TP63: variants seen among roughly 807,000 people sequenced by gnomAD.
TP63 encodes the protein tumor protein p63, also known as tumor protein 63.
Under a neutral mutation model 82.8 loss-of-function variants are expected in TP63, and 17 were observed. The observed-to-expected ratio is 0.21, with a 90% CI of 0.14 to 0.31. The LOEUF is 0.31. TP63 is among the 10% of genes least tolerant of loss of function. TP63 has a pLI of 1.00. For synonymous variants in TP63, 330 were observed against 321.7 expected (o/e 1.03, Z -0.28); for missense variants, 648 against 895.3 (o/e 0.72, Z 3.52).
At chr3:189,684,632 C>CTTTTTT (rs11379017) in intron 1 of TP63, among the ~76,000 whole-genome samples, 1 of 134,700 alleles carries the variant, frequency 7.4e-6, no homozygotes, top group African/African-American at 2.7e-5. Flanking sequence ...TTCTTTCTTT[C>CTTTTTT]TTTTTTTTTT....
chr3:189,882,806 A>G (rs1330713657), intron 10 of TP63, among the ~76,000 whole-genome samples: 2 of 152,170 alleles, frequency 1.3e-5, no homozygotes, highest in African/African-American at 4.8e-5. Flanking sequence ...CTCGCTTTTC[A>G]ATTTTGAATT....
In TP63 at chr3:189,870,882, A is replaced by G. The variant is rs562282240; in HGVS notation, c.1212+1476A>G. ...CCTGGGATTGAACTAACGAAAGTCA[A>G]CGGATTTAGGTGTGCTGCACTTTCT... On this transcript the variant is annotated intron_variant, in intron 9 of 13. Coordinates refer to ENST00000264731, the MANE Select transcript of TP63 (RefSeq NM_003722.5). Among the ~76,000 whole-genome samples, 178 of 152,274 alleles carry G rather than the reference A, an allele frequency of 1.2e-3. 1 individual carries two copies. Among genetic ancestry groups the G allele is most frequent in the Non-Finnish European group, 2.0e-3 (133 of 68,026 alleles).
At chr3:189,834,146 A>C (rs1334472116) in intron 4 of TP63, among the ~76,000 whole-genome samples, 1 of 152,194 alleles carries the variant, frequency 6.6e-6, no homozygotes, top group Non-Finnish European at 1.5e-5. Context: ...TGGAGAGCTC[A>C]GTTGAGACTT....
chr3:189,705,554 A>C (rs1718133728), intron 1 of TP63, among the ~76,000 whole-genome samples: 1 of 152,058 alleles, frequency 6.6e-6, no homozygotes, highest in African/African-American at 2.4e-5. Flanking sequence ...GTTGCTCCTG[A>C]GTGCGAAGCA....
At chr3:189,679,803 A>G (rs993936068) in intron 1 of TP63, among the ~76,000 whole-genome samples, 3 of 152,176 alleles carry the variant, frequency 2.0e-5, no homozygotes. Flanking sequence ...TATATTTGGC[A>G]TAAAATAAGT....
intron 4 of TP63, among the ~76,000 whole-genome samples, chr3:189,818,124 A>G (rs1283285282): frequency 1.3e-5 from 2 of 151,810 alleles, no homozygotes; most frequent in Non-Finnish European, 2.9e-5. Context: ...AGATTTTCAT[A>G]TTTATAAAAT....
Position 189,646,623 on chromosome 3 carries a change from C to CT in TP63, c.62+15049dup, listed in dbSNP as rs759830122. Among the ~76,000 whole-genome samples, 16 of 146,650 alleles carry CT rather than the reference C, an allele frequency of 1.1e-4. 2 individuals are homozygous for CT. Among genetic ancestry groups the CT allele is most frequent in the Non-Finnish European group, 2.4e-4 (16 of 67,226 alleles). ...TGGTCCCACCCCCACCACCATACACCTTTCCCTTTCACGACACATTGCTTC... is the reference window on the plus strand; with the variant it reads ...TGGTCCCACCCCCACCACCATACACCTTTTCCCTTTCACGACACATTGCTTC... On this transcript the variant is annotated intron_variant, in intron 1 of 13. Transcript: ENST00000264731.
intron 1 of TP63, among the ~76,000 whole-genome samples, chr3:189,734,586 T>A (rs1484961510): frequency 6.6e-6 from 1 of 152,158 alleles, no homozygotes; most frequent in East Asian, 1.9e-4. Flanking sequence ...TGATTCACAT[T>A]TCTAAACCCT....
chr3:189,850,829 T>A (rs181449750), intron 4 of TP63, among the ~76,000 whole-genome samples: 53 of 152,326 alleles, frequency 3.5e-4, no homozygotes, highest in African/African-American at 1.1e-3. Flanking sequence ...ATTCTTTTTT[T>A]ATAAATGAAT....
At chr3:189,780,465 T>C (rs894585844) in intron 3 of TP63, among the ~76,000 whole-genome samples, 5 of 152,126 alleles carry the variant, frequency 3.3e-5, no homozygotes, top group Non-Finnish European at 7.3e-5. Context: ...TTGGATTTGG[T>C]TTTTCACTTT....
intron 4 of TP63, among the ~76,000 whole-genome samples, chr3:189,859,301 A>C (rs1716710319): frequency 6.6e-6 from 1 of 152,188 alleles, no homozygotes; most frequent in Admixed American, 6.5e-5. Flanking sequence ...TGTGTTACAA[A>C]GGGGGAGAAC....
chr3:189,863,216 G>T (rs1913722), intron 4 of TP63, among the ~76,000 whole-genome samples: 28,568 of 152,020 alleles, frequency 0.19, 4,070 homozygotes, highest in African/African-American at 0.4. Flanking sequence ...GTTACTAGGT[G>T]CCCCACTCTT....
intron 10 of TP63, among the ~76,000 whole-genome samples, chr3:189,884,469 C>T (rs1485595197): frequency 6.6e-6 from 1 of 152,142 alleles, no homozygotes; most frequent in Non-Finnish European, 1.5e-5. Flanking sequence ...TGATCTTGGG[C>T]ATATGTTTTT....
the TP63 span, among the ~76,000 whole-genome samples, chr3:189,601,905 G>A: frequency 1.1e-4 from 16 of 152,182 alleles, no homozygotes; most frequent in East Asian, 1.9e-4. Flanking sequence ...AGATGCCCAC[G>A]GTATGCTCTT....
the TP63 span, among the ~76,000 whole-genome samples, chr3:189,603,517 C>T: frequency 1.3e-3 from 202 of 151,838 alleles, 1 homozygote; most frequent in Non-Finnish European, 2.5e-3. Flanking sequence ...TTTGTTTTAT[C>T]ACAGGAGTTG....
intron 4 of TP63, among the ~76,000 whole-genome samples, chr3:189,824,241 G>A (rs1729099644): frequency 6.6e-6 from 1 of 151,400 alleles, no homozygotes; most frequent in Non-Finnish European, 1.5e-5. Context: ...TTTTGAGACA[G>A]AGTCTCGCTC....
chr3:189,894,327 C>T lies in TP63; in HGVS notation c.1868C>T (p.Ala623Val), dbSNP rs2108873801. The T allele has an allele frequency of 6.2e-7, 1 of 1,613,932 alleles. No individual in the cohort carries two copies. Among genetic ancestry groups the T allele is most frequent in the Non-Finnish European group, 8.5e-7 (1 of 1,179,990 alleles). The change falls in exon 14 of 14, where the codon GCC becomes GTC. Residue 623 changes from alanine (A) to valine (V), a missense_variant. Ala to Val is a moderately conservative substitution (Grantham distance 64, BLOSUM62 0). This residue lies in a region of TP63 where 342 missense variants were observed against 425.7 expected (regional missense o/e 0.80). Transcript: ENST00000264731. ...PSHLLRTPSS[A>V]STVSVGSSET... ...CATCTCCTGCGGACCCCAAGCAGTGCCTCTACAGTCAGTGTGGGCTCCAGT... is the reference window on the plus strand; with the variant it reads ...CATCTCCTGCGGACCCCAAGCAGTGTCTCTACAGTCAGTGTGGGCTCCAGT...
intron 1 of TP63, among the ~76,000 whole-genome samples, chr3:189,689,805 C>G (rs1381715082): frequency 6.6e-6 from 1 of 152,120 alleles, no homozygotes; most frequent in Non-Finnish European, 1.5e-5. Flanking sequence ...CAGTTCATCT[C>G]TTTGCTAAAG....
chr3:189,630,485 G>A (rs1007477575), upstream of TP63, among the ~76,000 whole-genome samples: 10 of 152,012 alleles, frequency 6.6e-5, no homozygotes, highest in East Asian at 7.7e-4. Flanking sequence ...GTTTCCTTTC[G>A]AAGTAGGTCA....
Sources: gnomAD v4.1 joint callset for allele counts (sites outside exome capture counted in the v4.1 genomes callset) on GRCh38, gnomAD v4.1.1 for gene constraint, gnomAD v4.1.1 regional missense constraint, MANE v1.5 for transcripts, NCBI Gene and HGNC (gene_info 2026-07-23, HGNC 2026-07-21) for gene names.